The following RABL3 variants were observed in gnomAD, a reference collection of about 807,000 sequenced individuals.
RABL3 encodes rab-like protein 3.
Under a neutral mutation model 31.8 loss-of-function variants are expected in RABL3, and 31 were observed. The observed-to-expected ratio is 0.97, with a 90% CI of 0.73 to 1.31. The LOEUF is 1.31. Among genes scored for constraint, RABL3 ranks in the 40% most tolerant of loss-of-function variants. The pLI is 0.00. For synonymous variants in RABL3, 97 were observed against 99.9 expected (o/e 0.97, Z 0.18); for missense variants, 263 against 279.6 (o/e 0.94, Z 0.42).
At chr3:120,709,118 A>C (rs1449496552) in intron 3 of RABL3, among the ~76,000 whole-genome samples, 2 of 151,978 alleles carry the variant, frequency 1.3e-5, no homozygotes, top group Non-Finnish European at 2.9e-5. Context: ...CACAGTAAAA[A>C]CAGGTTTTAA....
intron 2 of RABL3, among the ~76,000 whole-genome samples, chr3:120,715,027 A>G (rs916103065): frequency 1.7e-4 from 26 of 152,038 alleles, no homozygotes; most frequent in Non-Finnish European, 3.2e-4. Context: ...GCTCACAGAT[A>G]CCTCCTTTCA....
intron 1 of RABL3, among the ~76,000 whole-genome samples, chr3:120,741,347 T>G (rs1292466928): frequency 1.3e-5 from 2 of 152,242 alleles, no homozygotes; most frequent in African/African-American, 4.8e-5. Flanking sequence ...TATTTCATAA[T>G]GCAAATAATC....
intron 4 of RABL3, among the ~76,000 whole-genome samples, chr3:120,704,276 G>A (rs1576334685): frequency 6.6e-6 from 1 of 152,316 alleles, no homozygotes; most frequent in Admixed American, 6.5e-5. Context: ...TTGAAAATCA[G>A]TGAACGTAAT....
chr3:120,727,102 A>C (rs1475005101), intron 2 of RABL3, among the ~76,000 whole-genome samples: 1 of 152,156 alleles, frequency 6.6e-6, no homozygotes, highest in African/African-American at 2.4e-5. Context: ...GCAATTACTG[A>C]TGTCAACAAG....
At chr3:120,731,651 A>C (rs577770385) in intron 1 of RABL3, among the ~76,000 whole-genome samples, 2 of 152,352 alleles carry the variant, frequency 1.3e-5, no homozygotes, top group East Asian at 3.9e-4. Flanking sequence ...GTATCTTTAC[A>C]AATCACTAGT....
At chr3:120,713,914 G>A (rs570722018) in intron 2 of RABL3, among the ~76,000 whole-genome samples, 8 of 150,556 alleles carry the variant, frequency 5.3e-5, no homozygotes, top group Non-Finnish European at 1.2e-4. Context: ...TGGGTTCAGC[G>A]ATTCTCCTGC....
At chr3:120,730,230 A>T (rs560707817) in intron 2 of RABL3, among the ~76,000 whole-genome samples, 30 of 152,214 alleles carry the variant, frequency 2.0e-4, no homozygotes, top group Non-Finnish European at 3.8e-4. Context: ...AAGACCAATG[A>T]TATCTGGGAA....
At chr3:120,736,640 CA>C (rs1288323093) in intron 1 of RABL3, among the ~76,000 whole-genome samples, 2 of 152,172 alleles carry the variant, frequency 1.3e-5, no homozygotes, top group African/African-American at 4.8e-5. Context: ...ATGGTCTTTA[CA>C]ATTTGGCATG....
Position 120,694,149 on chromosome 3 carries a change from T to C in RABL3, c.606+4A>G, listed in dbSNP as rs780406006. ...TTTAAAAATAACTTAATTGAAACCA[T>C]TACCTTATCAAAAAACCTACTGAGC... On this transcript the variant is annotated splice_donor_region_variant and intron_variant, in intron 6 of 7. Coordinates refer to ENST00000273375, the MANE Select transcript of RABL3 (RefSeq NM_173825.5). 5 of 1,589,390 alleles carry C rather than the reference T, an allele frequency of 3.1e-6. No individual in the cohort carries two copies. Among genetic ancestry groups the C allele is most frequent in the Non-Finnish European group, 4.3e-6 (5 of 1,159,716 alleles).
At chr3:120,736,523 C>T (rs1362580666) in intron 1 of RABL3, among the ~76,000 whole-genome samples, 2 of 152,146 alleles carry the variant, frequency 1.3e-5, no homozygotes, top group African/African-American at 4.8e-5. Flanking sequence ...GAGCATTTAG[C>T]CCACTTACAT....
chr3:120,715,348 G>C (rs905245093), intron 2 of RABL3, among the ~76,000 whole-genome samples: 3 of 152,058 alleles, frequency 2.0e-5, no homozygotes, highest in Admixed American at 1.3e-4. Context: ...AGACCAGCCT[G>C]GCCAACATGG....
At chr3:120,725,879 A>G in intron 2 of RABL3, among the ~76,000 whole-genome samples, 1 of 152,230 alleles carries the variant, frequency 6.6e-6, no homozygotes, top group Non-Finnish European at 1.5e-5. Context: ...GCACACCAAC[A>G]TGGCACATGT....
chr3:120,730,865 C>A, intron 1 of RABL3, 78 bp from the exon 2 acceptor site: 1 of 884,400 alleles, frequency 1.1e-6, no homozygotes, highest in South Asian at 1.4e-5. Context: ...ACTAATACTA[C>A]ACAGGAATAA....
intron 6 of RABL3, among the ~76,000 whole-genome samples, chr3:120,692,966 T>G (rs895002414): frequency 1.3e-5 from 2 of 152,146 alleles, no homozygotes; most frequent in Non-Finnish European, 2.9e-5. Context: ...ATATTTTAAG[T>G]TTGAAAACAA....
In RABL3 at chr3:120,734,963, T is replaced by A. The variant is rs193264748; in HGVS notation, c.47-4176A>T. On this transcript the variant is annotated intron_variant, in intron 1 of 7. Coordinates refer to ENST00000273375, the MANE Select transcript of RABL3 (RefSeq NM_173825.5). ...CGGTTTGCCAGTATTTTATTGAGGA[T>A]TTTTGCATTGATGTTCATCAGGGAT... is the stretch of plus-strand genomic sequence containing the variant. 6.4e-3 allele frequency among the ~76,000 whole-genome samples: 970 copies of A among 152,306 alleles called. 8 individuals are homozygous for A. Among genetic ancestry groups the A allele is most frequent in the African/African-American group, 0.023 (939 of 41,566 alleles).
intron 6 of RABL3, among the ~76,000 whole-genome samples, chr3:120,691,858 T>TCAACACCAAGACCATTCATCCAGATC (rs1708383536): frequency 1.3e-5 from 2 of 152,104 alleles, no homozygotes; most frequent in Non-Finnish European, 2.9e-5. Flanking sequence ...TCATCCAGAT[T>TCAACACCAAGACCATTCATCCAGATC]CAACACCAAG....
intron 2 of RABL3, among the ~76,000 whole-genome samples, chr3:120,711,450 G>T (rs181476390): frequency 6.6e-6 from 1 of 152,034 alleles, no homozygotes; most frequent in South Asian, 2.1e-4. Flanking sequence ...TGATATAATG[G>T]TCTCTGACTG....
rs779723847 is a variant in RABL3 at position 120,689,482 on chromosome 3, A to C, written c.*341T>G. On this transcript the variant is annotated 3_prime_UTR_variant, in exon 8 of 8. Coordinates refer to ENST00000273375, the MANE Select transcript of RABL3 (RefSeq NM_173825.5). ...TCAGCAATGAGTGTGGGAAAATTAC[A>C]GACCCATAAAAACCCTCCAGTTCTA... The C allele has an allele frequency of 5.4e-6, 1 of 184,542 alleles. No homozygotes were observed. Among genetic ancestry groups the C allele is most frequent in the Non-Finnish European group, 1.1e-5 (1 of 89,454 alleles). 11.4% of individuals were successfully genotyped at this position (184,542 alleles called of 1,614,324 possible).
intron 2 of RABL3, chr3:120,710,228 C>T (rs1037014570): frequency 5.7e-6 from 1 of 176,626 alleles, no homozygotes; most frequent in African/African-American, 2.4e-5. Flanking sequence ...CAAAATTCCA[C>T]TCTTGGTTAT....
Sources: allele counts gnomAD v4.1 joint callset (sites outside exome capture counted in the v4.1 genomes callset), GRCh38; gene constraint gnomAD v4.1.1; transcripts MANE v1.5; gene names NCBI Gene and HGNC (gene_info 2026-07-23, HGNC 2026-07-21).